Variants in NELL1 observed in about 807,000 individuals in gnomAD.
The protein encoded by NELL1 is protein kinase C-binding protein NELL1.
A neutral mutation model predicts 107.4 loss-of-function variants in NELL1; 76 were observed. The ratio of observed to expected loss-of-function variants is 0.71; its 90% CI spans 0.59 to 0.86. The LOEUF (loss-of-function observed/expected upper bound fraction) is 0.86. Ranked by LOEUF, NELL1 falls within the 40% of genes least tolerant of loss-of-function variation. The pLI, the probability that NELL1 is intolerant of heterozygous loss-of-function variation, is 0.00. For missense variants in NELL1, 1,024 were observed against 1,005.5 expected, an observed-to-expected ratio of 1.02 and a Z score of -0.25; for synonymous variants, 353 against 341.2, an observed-to-expected ratio of 1.03 and a Z score of -0.38.
chr11:21,218,020 TA>T (rs1483897261), intron 13 of NELL1, among the ~76,000 whole-genome samples: 2 of 152,224 alleles, frequency 1.3e-5, no homozygotes, highest in Admixed American at 6.5e-5. Flanking sequence ...GAATATTAGT[TA>T]AAGTATTGTT....
intron 14 of NELL1, among the ~76,000 whole-genome samples, chr11:21,278,475 G>A (rs920117799): frequency 2.6e-5 from 4 of 152,038 alleles, no homozygotes; most frequent in Non-Finnish European, 5.9e-5. Flanking sequence ...TACAAAAGTC[G>A]ATAGTTTTTT....
Position 20,970,225 on chromosome 11 carries a change from G to A in NELL1, c.1300+9665G>A, listed in dbSNP as rs183647788. On this transcript the variant is annotated intron_variant, in intron 12 of 19. Coordinates refer to ENST00000357134, the MANE Select transcript of NELL1 (RefSeq NM_006157.5). ...TCCATGGGGCATCATTTATGTAGTT[G>A]TCTAGGTGAGTGGCAGCTGCTGGAA... Among the ~76,000 whole-genome samples the A allele has an allele frequency of 3.3e-5, 5 of 152,262 alleles. No individual in the cohort carries two copies. The East Asian group carries it at 9.7e-4, about 29-fold the overall frequency.
At chr11:20,960,325 G>T in intron 11 of NELL1, 107 bp from the exon 12 acceptor site, 1 of 1,162,668 alleles carries the variant, frequency 8.6e-7, no homozygotes. Flanking sequence ...CTGCCAAAGT[G>T]TATTTTCCTG....
At chr11:20,768,434 A>T (rs902948766) in intron 2 of NELL1, among the ~76,000 whole-genome samples, 2 of 152,250 alleles carry the variant, frequency 1.3e-5, no homozygotes, top group African/African-American at 4.8e-5. Context: ...GGCCATGGCA[A>T]GGAGTTAGGG....
At chr11:21,291,153 C>T (rs1252998162) in intron 14 of NELL1, among the ~76,000 whole-genome samples, 2 of 152,092 alleles carry the variant, frequency 1.3e-5, no homozygotes, top group Non-Finnish European at 2.9e-5. Context: ...CATAAATGAC[C>T]TGATGGAGCT....
intron 2 of NELL1, among the ~76,000 whole-genome samples, chr11:20,717,571 G>A (rs1855282548): frequency 1.3e-5 from 2 of 152,160 alleles, no homozygotes; most frequent in Admixed American, 1.3e-4. Context: ...TAAACAGCAA[G>A]TCAGAGTCTT....
intron 4 of NELL1, among the ~76,000 whole-genome samples, chr11:20,880,579 T>G (rs1849388804): frequency 6.6e-6 from 1 of 152,234 alleles, no homozygotes; most frequent in South Asian, 2.1e-4. Context: ...CCACACTATC[T>G]AAGATACTTC....
chr11:20,875,374 A>G (rs1180373470), intron 4 of NELL1, among the ~76,000 whole-genome samples: 1 of 152,094 alleles, frequency 6.6e-6, no homozygotes, highest in Non-Finnish European at 1.5e-5. Context: ...GATTGAAACC[A>G]TCACACCAGC....
At chr11:21,435,503 G>GA (rs1853086845) in intron 15 of NELL1, among the ~76,000 whole-genome samples, 2 of 139,320 alleles carry the variant, frequency 1.4e-5, no homozygotes, top group African/African-American at 5.3e-5. Context: ...TTTGTTTTTT[G>GA]TTTTTTTTTA....
rs561141917 is a variant in NELL1, at chr11:21,388,309, A to AT, written c.1645+17362dup. Among the ~76,000 whole-genome samples, 166 of 151,948 alleles carry AT rather than the reference A, an allele frequency of 1.1e-3. 1 individual carries two copies. Among genetic ancestry groups the AT allele is most frequent in the African/African-American group, 3.8e-3 (157 of 41,518 alleles). On this transcript the variant is annotated intron_variant, in intron 15 of 19. Transcript: ENST00000357134. ...CTCACCATGTGACCTTGATCAAGTTATATAACTTCTCAATCTGTATCTCCC... is the reference window on the plus strand; with the variant it reads ...CTCACCATGTGACCTTGATCAAGTTATTATAACTTCTCAATCTGTATCTCCC...
chr11:20,764,901 C>A (rs1856498326), intron 2 of NELL1, among the ~76,000 whole-genome samples: 1 of 152,084 alleles, frequency 6.6e-6, no homozygotes, highest in Non-Finnish European at 1.5e-5. Flanking sequence ...ATGACTCATG[C>A]CTGTAATCCC....
chr11:21,110,301 C>T (rs887652122), intron 12 of NELL1, among the ~76,000 whole-genome samples: 6 of 152,080 alleles, frequency 3.9e-5, no homozygotes, highest in Admixed American at 6.6e-5. Flanking sequence ...GCATCAGGGA[C>T]GTGTGGGCAC....
At chr11:21,135,432 G>A (rs1037831987) in intron 13 of NELL1, among the ~76,000 whole-genome samples, 3 of 152,140 alleles carry the variant, frequency 2.0e-5, no homozygotes, top group Non-Finnish European at 4.4e-5. Context: ...GAGGCGTTTT[G>A]TTTATATGAC....
intron 13 of NELL1, among the ~76,000 whole-genome samples, chr11:21,119,386 G>GAA (rs5790163): frequency 0.012 from 1,539 of 129,126 alleles, 19 homozygotes; most frequent in African/African-American, 0.039. Flanking sequence ...GCTAAAAATT[G>GAA]AAAAAAAAAA....
At position 20,795,810 on chromosome 11, in the gene NELL1, T is replaced by C. The variant is rs755761294; in HGVS notation, c.335+11980T>C. Reference sequence around the variant, plus strand: ...TTTTTTTAAACAAAATTTTTGTTTTTCAAAAGATACTCTTCAGTTTTCTGA... The same window carrying C: ...TTTTTTTAAACAAAATTTTTGTTTTCCAAAAGATACTCTTCAGTTTTCTGA... On this transcript the variant is annotated intron_variant, in intron 3 of 19. Coordinates refer to ENST00000357134, the MANE Select transcript of NELL1 (RefSeq NM_006157.5). Among the ~76,000 whole-genome samples, 44 of 152,266 alleles carry C rather than the reference T, an allele frequency of 2.9e-4. 1 individual carries two copies. Among genetic ancestry groups the C allele is most frequent in the Non-Finnish European group, 5.7e-4 (39 of 68,008 alleles).
chr11:21,310,075 T>G (rs1449309414), intron 14 of NELL1, among the ~76,000 whole-genome samples: 1 of 151,796 alleles, frequency 6.6e-6, no homozygotes, highest in Non-Finnish European at 1.5e-5. Context: ...ATTAGATGAA[T>G]TATTTTTTAA....
chr11:21,055,317 T>C (rs1442107089), intron 12 of NELL1, among the ~76,000 whole-genome samples: 1 of 152,110 alleles, frequency 6.6e-6, no homozygotes, highest in East Asian at 1.9e-4. Context: ...TTTATTCTTC[T>C]TTTTTATTGA....
chr11:20,888,757 C>T (rs1323999798), intron 5 of NELL1, among the ~76,000 whole-genome samples: 1 of 152,104 alleles, frequency 6.6e-6, no homozygotes, highest in Non-Finnish European at 1.5e-5. Flanking sequence ...GGCTGTCTCC[C>T]ATGTCTGTGG....
chr11:20,720,752 G>T (rs1009472362), intron 2 of NELL1, among the ~76,000 whole-genome samples: 3 of 152,072 alleles, frequency 2.0e-5, no homozygotes, highest in East Asian at 3.9e-4. Context: ...CCTCTAAGTG[G>T]ATCTCTATGT....
Sources: allele counts gnomAD v4.1 joint callset (sites outside exome capture counted in the v4.1 genomes callset), GRCh38; gene constraint gnomAD v4.1.1; transcripts MANE v1.5; gene names NCBI Gene and HGNC (gene_info 2026-07-23, HGNC 2026-07-21).